USO1: variants seen among roughly 807,000 people sequenced by gnomAD.
USO1 encodes general vesicular transport factor p115.
USO1 carries 57 observed loss-of-function variants against 124.5 expected under a neutral mutation model. That is an observed-to-expected ratio of 0.46 (90% CI 0.37 to 0.57). The LOEUF is 0.57. Among genes scored for constraint, USO1 ranks in the 20% least tolerant of loss-of-function variants. The pLI is 0.00. For missense variants in USO1, 900 were observed against 1,040.6 expected (o/e 0.86, Z 1.86); for synonymous variants, 369 against 362.8 (o/e 1.02, Z -0.19).
intron 20 of USO1, among the ~76,000 whole-genome samples, chr4:75,807,035 G>A (rs1723018124): frequency 6.6e-6 from 1 of 151,980 alleles, no homozygotes; most frequent in Non-Finnish European, 1.5e-5. Flanking sequence ...CAGCTAAAAA[G>A]CAAAATAAAC....
chr4:75,807,828 T>TTGC (rs1363145053), intron 20 of USO1, among the ~76,000 whole-genome samples: 3 of 152,136 alleles, frequency 2.0e-5, no homozygotes, highest in African/African-American at 7.2e-5. Context: ...AAAAAGAGAA[T>TTGC]TGCCTTTTAG....
Position 75,810,531 on chromosome 4 carries a change from G to C in USO1, c.2575G>C (p.Glu859Gln), listed in dbSNP as rs41282395. 1.9e-3 allele frequency: 3,057 copies of C among 1,607,434 alleles called. 5 individuals carry two copies. The highest frequency in any genetic ancestry group is 2.4e-3 in the Non-Finnish European group (2,785 of 1,177,906). Residue 859 changes from glutamate to glutamine, a missense_variant, in exon 22 of 24, where the codon GAG (glutamate) becomes CAG (glutamine). Transcript: ENST00000514213. Reference protein sequence around the residue: ...RLSALLQETKELKNEIKALSE... With the variant: ...RLSALLQETKQLKNEIKALSE... ...GTCAGCATTATTACAAGAGACCAAA[G>C]AGTTAAAGGTTTGTTTTTGGTGCAA...
In USO1 at chr4:75,738,426, C is replaced by G. The variant is rs1010909171; in HGVS notation, c.66+13541C>G. On this transcript the variant is annotated intron_variant, in intron 1 of 23. Coordinates refer to ENST00000514213, the MANE Select transcript of USO1 (RefSeq NM_003715.4). ...GAGCCGAGATCACTCCATTGCACTC[C>G]AGCCTGGATGACAGAGTGAGACTTC... Among the ~76,000 whole-genome samples the G allele has an allele frequency of 3.3e-5, 5 of 151,796 alleles. No homozygotes were observed. The East Asian group carries it at 9.8e-4, about 30-fold the overall frequency.
chr4:75,807,293 T>C (rs1178306540), intron 20 of USO1, among the ~76,000 whole-genome samples: 1 of 151,980 alleles, frequency 6.6e-6, no homozygotes, highest in African/African-American at 2.4e-5. Flanking sequence ...CTGGGGTTGT[T>C]TTTCTTTCCT....
rs751828876 is a variant in USO1, at chr4:75,808,938, A to T, written c.2377-15A>T. 2 of 1,579,738 alleles carry T rather than the reference A, an allele frequency of 1.3e-6. No homozygotes were observed. Among genetic ancestry groups the T allele is most frequent in the East Asian group, 2.3e-5 (1 of 43,954 alleles). Reference sequence around the variant, plus strand: ...TACCATTTAATGTTATGACTCAACTATTTTTGTCTCTTAGGAACTGGCAAC... The same window carrying T: ...TACCATTTAATGTTATGACTCAACTTTTTTTGTCTCTTAGGAACTGGCAAC... On this transcript the variant is annotated splice_polypyrimidine_tract_variant and intron_variant, in intron 20 of 23. Transcript: ENST00000514213.
chr4:75,734,099 C>T (rs1720718131), intron 1 of USO1, among the ~76,000 whole-genome samples: 1 of 151,980 alleles, frequency 6.6e-6, no homozygotes, highest in Admixed American at 6.6e-5. Context: ...ATGCACACCA[C>T]CACACCCAGA....
chr4:75,787,857 C>T (rs1305401770), intron 10 of USO1, among the ~76,000 whole-genome samples: 3 of 152,046 alleles, frequency 2.0e-5, no homozygotes, highest in African/African-American at 7.2e-5. Flanking sequence ...TCCTGCTAAG[C>T]CAAATAGAGT....
intron 4 of USO1, among the ~76,000 whole-genome samples, chr4:75,765,613 C>G (rs1721748375): frequency 6.8e-6 from 1 of 147,880 alleles, no homozygotes. Flanking sequence ...GTGTGCAGTT[C>G]TTGCTATGTG....
intron 19 of USO1, 94 bp downstream of exon 19, chr4:75,805,397 A>G (rs996560294): frequency 6.3e-6 from 9 of 1,428,920 alleles, no homozygotes; most frequent in African/African-American, 4.4e-5. Context: ...TTAAGCCAGA[A>G]TATCATATGT....
Position 75,808,932 on chromosome 4 carries a change from T to G in USO1, c.2377-21T>G, listed in dbSNP as rs557091158. On this transcript the variant is annotated intron_variant, in intron 20 of 23. Transcript: ENST00000514213. ...ATTTAATACCATTTAATGTTATGACTCAACTATTTTTGTCTCTTAGGAACT... is the reference window on the plus strand; with the variant it reads ...ATTTAATACCATTTAATGTTATGACGCAACTATTTTTGTCTCTTAGGAACT... 7.0e-6 allele frequency: 11 copies of G among 1,572,620 alleles called. No individual in the cohort carries two copies. In the South Asian group the frequency reaches 1.2e-4, roughly 17 times the overall value.
intron 12 of USO1, among the ~76,000 whole-genome samples, chr4:75,793,074 T>C (rs960246553): frequency 1.3e-5 from 2 of 152,184 alleles, no homozygotes; most frequent in African/African-American, 4.8e-5. Flanking sequence ...TGTAAATGAC[T>C]AGATCTCATT....
intron 3 of USO1, among the ~76,000 whole-genome samples, chr4:75,755,115 G>C (rs532263788): frequency 3.3e-5 from 5 of 152,298 alleles, no homozygotes; most frequent in Non-Finnish European, 5.9e-5. Flanking sequence ...TGCTCTCCCA[G>C]AGCAAACTAT....
intron 1 of USO1, among the ~76,000 whole-genome samples, chr4:75,725,321 CG>C (rs1009926064): frequency 7.9e-5 from 12 of 152,154 alleles, no homozygotes; most frequent in African/African-American, 2.9e-4. Flanking sequence ...GAAACTGGGG[CG>C]TTGGGGAAAA....
chr4:75,797,274 G>C (rs932240564), intron 13 of USO1, among the ~76,000 whole-genome samples: 1 of 150,936 alleles, frequency 6.6e-6, no homozygotes, highest in Admixed American at 6.6e-5. Context: ...TTTTCTCAGC[G>C]AACTGTATGA....
In USO1 at chr4:75,792,426, A is replaced by G. The variant is rs187435347; in HGVS notation, c.1241-1264A>G. Among the ~76,000 whole-genome samples the G allele has an allele frequency of 2.4e-3, 367 of 152,300 alleles. 1 individual carries two copies. Among genetic ancestry groups the G allele is most frequent in the South Asian group, 3.1e-3 (15 of 4,818 alleles). ...GTGATGCATGCCTGTAATCCCAGCT[A>G]TGGGGGAGACTGAGGCAGGAGAATC... On this transcript the variant is annotated intron_variant, in intron 12 of 23. Transcript: ENST00000514213.
chr4:75,787,128 T>C lies in USO1; in HGVS notation c.922T>C (p.Phe308Leu). 6.2e-7 allele frequency: 1 copy of C among 1,608,210 alleles called. No homozygotes were observed. Among genetic ancestry groups the C allele is most frequent in the Non-Finnish European group, 8.5e-7 (1 of 1,177,498 alleles). The change falls in exon 10 of 24, where the codon TTC (phenylalanine) becomes CTC (leucine). Residue 308 changes from phenylalanine to leucine, a missense_variant. Coordinates refer to ENST00000514213, the MANE Select transcript of USO1 (RefSeq NM_003715.4). ...TACCAGTAGCTGCCAGAAGGCTATG[T>C]TCCAGTGTGGGTTATTGCAGCAGCT... ...GATSSCQKAM[F>L]QCGLLQQLCT...
chr4:75,747,602 C>CTTTTTTTTTTTTTTTTTTTTTTTTT, intron 1 of USO1, among the ~76,000 whole-genome samples: 1 of 83,684 alleles, frequency 1.2e-5, no homozygotes, highest in Non-Finnish European at 2.2e-5. Context: ...TCACCTTTGA[C>CTTTTTTTTTTTTTTTTTTTTTTTTT]TTTTTTTTTT....
In USO1 at chr4:75,783,790, T is replaced by C. The variant is rs951441248; in HGVS notation, c.855+932T>C. Among the ~76,000 whole-genome samples, 39 of 152,324 alleles carry C rather than the reference T, an allele frequency of 2.6e-4. 1 individual carries two copies. Among genetic ancestry groups the C allele is most frequent in the African/African-American group, 7.9e-4 (33 of 41,576 alleles). ...AGCATCCTCTTTCACTTCAAAAGTG[T>C]CCTGGTTTGGATTATAAATTATGCA... On this transcript the variant is annotated intron_variant, in intron 9 of 23. Transcript: ENST00000514213.
At chr4:75,771,330 G>T (rs1262458138) in intron 7 of USO1, among the ~76,000 whole-genome samples, 193 bp downstream of exon 7, 1 of 152,050 alleles carries the variant, frequency 6.6e-6, no homozygotes, top group Non-Finnish European at 1.5e-5. Flanking sequence ...GAATTTCTGG[G>T]CTCAAGCAAT....
Sources: allele counts gnomAD v4.1 joint callset (sites outside exome capture counted in the v4.1 genomes callset), GRCh38; gene constraint gnomAD v4.1.1; transcripts MANE v1.5; gene names NCBI Gene and HGNC (gene_info 2026-07-23, HGNC 2026-07-21).